The following PROM1 variants were observed in gnomAD, a reference collection of about 807,000 sequenced individuals.
The protein encoded by PROM1 is prominin 1.
Under a neutral mutation model 116.9 loss-of-function variants are expected in PROM1, and 105 were observed. The observed-to-expected ratio is 0.90, with a 90% CI of 0.77 to 1.06. The LOEUF (loss-of-function observed/expected upper bound fraction) is 1.06, where lower values mean the gene tolerates loss of function less well. PROM1 is among the 50% of genes least tolerant of loss of function. The pLI, the probability that PROM1 is intolerant of heterozygous loss-of-function variation, is 0.00. For synonymous variants in PROM1, 393 were observed against 387.0 expected, an observed-to-expected ratio of 1.02 and a Z score of -0.18; for missense variants, 1,122 against 1,045.2, an observed-to-expected ratio of 1.07 and a Z score of -1.01.
chr4:16,073,941 A>G (rs2149576345), intron 2 of PROM1, among the ~76,000 whole-genome samples: 1 of 152,362 alleles, frequency 6.6e-6, no homozygotes, highest in East Asian at 1.9e-4. Flanking sequence ...ATAGAGCAAC[A>G]TATGGAAAGA....
At position 16,009,020 on chromosome 4, in the gene PROM1, AGAGAATGCTGAGAGTATATCC is replaced by A. The variant is rs777497868; in HGVS notation, c.1209_1229del (p.Gln403_Ser410delinsHis). The stretch of plus-strand genomic sequence containing the variant: ...AACTTTCAGTGTTATTAACATAAAC[AGAGAATGCTGAGAGTATATCC>A]TGAATAGGAAGACGCTGAGTTACAT... On this transcript the variant is annotated inframe_deletion, in exon 12 of 28. Transcript: ENST00000447510. 8 of 1,597,318 alleles carry A rather than the reference AGAGAATGCTGAGAGTATATCC, an allele frequency of 5.0e-6. No homozygotes were observed. The highest frequency in any genetic ancestry group is 6.9e-6 in the Non-Finnish European group (8 of 1,165,250).
intron 13 of PROM1, chr4:16,003,356 T>G (rs1438613365): frequency 2.2e-6 from 1 of 456,724 alleles, no homozygotes; most frequent in Non-Finnish European, 4.4e-6. Context: ...TCACCTAGAT[T>G]CCCCAAAATG....
chr4:16,075,981 G>A lies in PROM1; in HGVS notation c.-75C>T. On this transcript the variant is annotated 5_prime_UTR_variant, in exon 2 of 28. Transcript: ENST00000447510. ...CAGAGCTTCTGGAAGCCTTGGGGAA[G>A]GCAAGCGTGTTCCTGGGCAGAAGAG... 1.3e-6 allele frequency: 2 copies of A among 1,485,268 alleles called. No individual in the cohort carries two copies. Among genetic ancestry groups the A allele is most frequent in the East Asian group, 2.5e-5 (1 of 40,700 alleles). 92.0% of individuals were successfully genotyped at this position (1,485,268 alleles called of 1,614,324 possible).
chr4:16,063,209 C>T (rs1560600312), intron 2 of PROM1, among the ~76,000 whole-genome samples: 1 of 152,178 alleles, frequency 6.6e-6, no homozygotes, highest in South Asian at 2.1e-4. Flanking sequence ...CAAAATGCAG[C>T]CTAAGGGAAA....
At chr4:15,972,230 C>T (rs891350362) in intron 26 of PROM1, among the ~76,000 whole-genome samples, 2 of 152,182 alleles carry the variant, frequency 1.3e-5, no homozygotes, top group South Asian at 2.1e-4. Flanking sequence ...ATGAGCAAAA[C>T]AAGCCAATTT....
rs546730246 is a variant in PROM1 at position 16,003,487 on chromosome 4, C to A, written c.1455-2868G>T. ...ATAGGAATGTGCCCAGTTTGTGATA[C>A]CTGTGGCTGCTCTTGGCATTGTTGT... On this transcript the variant is annotated intron_variant, in intron 13 of 27. Transcript: ENST00000447510. 5 of 447,202 alleles carry A rather than the reference C, an allele frequency of 1.1e-5. No homozygotes were observed. The East Asian group carries it at 2.8e-4, about 25-fold the overall frequency. The allele number at this position is 447,202 out of a possible 1,614,324, so 27.7% of individuals were successfully genotyped here. A position where few individuals can be genotyped will look rare whatever the true frequency, so the allele number is the denominator to read the frequency against.
intron 23 of PROM1, among the ~76,000 whole-genome samples, chr4:15,982,324 C>A (rs1419292329): frequency 6.6e-6 from 1 of 152,180 alleles, no homozygotes; most frequent in Non-Finnish European, 1.5e-5. Context: ...GAGGTGGCAC[C>A]ACCTCTTGGC....
intron 2 of PROM1, among the ~76,000 whole-genome samples, chr4:16,059,311 A>G (rs1410128044): frequency 6.6e-6 from 1 of 152,172 alleles, no homozygotes; most frequent in Non-Finnish European, 1.5e-5. Context: ...TCCACCCCAC[A>G]AGACAGTAGA....
intron 1 of PROM1, among the ~76,000 whole-genome samples, chr4:16,081,391 C>T (rs1745024198): frequency 6.6e-6 from 1 of 152,148 alleles, no homozygotes; most frequent in Non-Finnish European, 1.5e-5. Flanking sequence ...GGATTAAAAA[C>T]TTAAATGTTA....
In PROM1 at chr4:15,984,297, T is replaced by A. The variant is rs772852761; in HGVS notation, c.2339A>T (p.Asp780Val). The A allele has an allele frequency of 6.2e-7, 1 of 1,609,056 alleles. No homozygotes were observed. The highest frequency in any genetic ancestry group is 8.5e-7 in the Non-Finnish European group (1 of 1,177,186). ...GATAATGTAGCTACACAGAAAGACATCAACAGCAGTATCTAGAGCGGTGGC... is the reference window on the plus strand; with the variant it reads ...GATAATGTAGCTACACAGAAAGACAACAACAGCAGTATCTAGAGCGGTGGC... ...PVATALDTAV[D>V]VFLCSYIIDP... Residue 780 changes from aspartate (D) to valine (V), a missense_variant, in exon 23 of 28, where the codon GAT (aspartate) becomes GTT (valine). By Grantham distance (152) the Asp-to-Val change is radical. Transcript: ENST00000447510.
intron 2 of PROM1, among the ~76,000 whole-genome samples, chr4:16,074,651 T>A (rs140349035): frequency 3.3e-5 from 5 of 152,338 alleles, no homozygotes; most frequent in Admixed American, 2.0e-4. Context: ...TTGACAACTA[T>A]ACTTCAAGCT....
In PROM1 at chr4:16,075,885, G is replaced by C. The variant is rs369022688; in HGVS notation, c.22C>G (p.Leu8Val). The change falls in exon 2 of 28, where the codon CTG becomes GTG. Residue 8 changes from leucine (L) to valine (V), a missense_variant. Physicochemically the swap from Leu to Val is conservative, Grantham distance 32 (BLOSUM62 1). Transcript: ENST00000447510. The part of the protein sequence containing the change: MALVLGS[L>V]LLLGLCGNSF... ...TTCCCGCACAGCCCCAGCAGCAACA[G>C]GGAGCCGAGTACGAGGGCCATAGCT... The C allele has an allele frequency of 1.9e-6, 3 of 1,612,656 alleles. No homozygotes were observed. The highest frequency in any genetic ancestry group is 1.3e-5 in the African/African-American group (1 of 74,900).
At chr4:16,032,509 C>T (rs1047379113) in intron 5 of PROM1, among the ~76,000 whole-genome samples, 1 of 152,216 alleles carries the variant, frequency 6.6e-6, no homozygotes, top group African/African-American at 2.4e-5. Flanking sequence ...TGTTGGCCAA[C>T]CCTTGCTGTG....
At chr4:16,030,944 G>A (rs967910690) in intron 5 of PROM1, among the ~76,000 whole-genome samples, 6 of 152,124 alleles carry the variant, frequency 3.9e-5, no homozygotes, top group Non-Finnish European at 5.9e-5. Context: ...TACTAGGAAG[G>A]CTGAGGCACA....
intron 13 of PROM1, among the ~76,000 whole-genome samples, chr4:16,000,966 T>A (rs1023694018): frequency 1.3e-5 from 2 of 152,086 alleles, no homozygotes; most frequent in Non-Finnish European, 2.9e-5. Flanking sequence ...GGGTAGCCAA[T>A]AAGGGGCTGA....
chr4:15,984,183 T>TTATAATG (rs1476339963), intron 23 of PROM1, 80 bp downstream of exon 23: 6 of 1,159,896 alleles, frequency 5.2e-6, no homozygotes, highest in Non-Finnish European at 1.3e-6. Flanking sequence ...AAAACAAATA[T>TTATAATG]TATAATGTAT....
At chr4:16,017,803 C>A (rs1728778515) in intron 9 of PROM1, among the ~76,000 whole-genome samples, 1 of 152,042 alleles carries the variant, frequency 6.6e-6, no homozygotes, top group Non-Finnish European at 1.5e-5. Flanking sequence ...GCCTGGGAAA[C>A]AGAGTGAGAC....
chr4:16,076,234 T>G, intron 1 of PROM1, 116 bp from the exon 2 acceptor site: 1 of 248,566 alleles, frequency 4.0e-6, no homozygotes, highest in Non-Finnish European at 7.7e-6. Context: ...CTAATCCGGA[T>G]GGGTGGGTGG....
At chr4:16,064,129 C>T (rs905121521) in intron 2 of PROM1, among the ~76,000 whole-genome samples, 3 of 151,986 alleles carry the variant, frequency 2.0e-5, no homozygotes, top group South Asian at 2.1e-4. Flanking sequence ...GATATATGCC[C>T]GGCAGAAATG....
Sources: gnomAD v4.1 joint callset for allele counts (sites outside exome capture counted in the v4.1 genomes callset) on GRCh38, gnomAD v4.1.1 for gene constraint, MANE v1.5 for transcripts, NCBI Gene and HGNC (gene_info 2026-07-23, HGNC 2026-07-21) for gene names.